The following IQSEC1 variants were observed in gnomAD, a reference collection of about 807,000 sequenced individuals.
The protein encoded by IQSEC1 is IQ motif and Sec7 domain ArfGEF 1, also known as IQ motif and SEC7 domain-containing protein 1.
A neutral mutation model predicts 91.0 loss-of-function variants in IQSEC1; 31 were observed. The ratio of observed to expected loss-of-function variants is 0.34; its 90% confidence interval spans 0.26 to 0.46. The LOEUF (loss-of-function observed/expected upper bound fraction) is 0.46. IQSEC1 is among the 20% of genes least tolerant of loss of function. IQSEC1 has a pLI of 1.00. For missense variants in IQSEC1, 1,388 were observed against 1,575.6 expected, an observed-to-expected ratio of 0.88 and a Z score of 2.02; for synonymous variants, 699 against 662.6, an observed-to-expected ratio of 1.05 and a Z score of -0.84.
Position 13,242,531 on chromosome 3 carries a change from G to A in IQSEC1, c.272+40180C>T, listed in dbSNP as rs117225983. The stretch of plus-strand genomic sequence containing the variant: ...CGGCACCCATGCAGGCCTTCCACTA[G>A]CTGCACATCCCGGCCGTGGCTGAAG... On this transcript the variant is annotated intron_variant, in intron 1 of 15. Coordinates refer to the IQSEC1 transcript ENST00000648114. Among the ~76,000 whole-genome samples the A allele has an allele frequency of 3.3e-5, 5 of 152,314 alleles. No individual in the cohort carries two copies. In the East Asian group the frequency reaches 9.7e-4, roughly 29 times the overall value.
chr3:13,071,738 A>G (rs976684066), intron 1 of IQSEC1, among the ~76,000 whole-genome samples: 4 of 151,448 alleles, frequency 2.6e-5, no homozygotes, highest in Non-Finnish European at 5.9e-5. Context: ...GGCCACCGCC[A>G]TCCCCCAAAC....
At chr3:13,238,110 G>A (rs983711720) in intron 1 of IQSEC1, among the ~76,000 whole-genome samples, 5 of 152,186 alleles carry the variant, frequency 3.3e-5, no homozygotes, top group Admixed American at 6.5e-5. Context: ...GGCACCCACC[G>A]CGTGCCCCAA....
chr3:13,000,776 T>C lies in IQSEC1; in HGVS notation c.24-58911A>G, dbSNP rs1433148552. On this transcript the variant is annotated intron_variant, in intron 1 of 13. Coordinates refer to ENST00000613206, the MANE Select transcript of IQSEC1 (RefSeq NM_001134382.3). Reference sequence around the variant, plus strand: ...GGTGGGCACAGCCCCAGGCTTGCAATAAACACAACTTCCATGAACTGGTAC... The same window carrying C: ...GGTGGGCACAGCCCCAGGCTTGCAACAAACACAACTTCCATGAACTGGTAC... Among the ~76,000 whole-genome samples, 3 of 152,246 alleles carry C rather than the reference T, an allele frequency of 2.0e-5. No individual in the cohort carries two copies. The East Asian group carries it at 5.8e-4, about 29-fold the overall frequency.
rs115925128 is a variant in IQSEC1 at position 13,181,930 on chromosome 3, C to T, written c.273-17797G>A. Among the ~76,000 whole-genome samples the T allele has an allele frequency of 7.6e-3, 1,154 of 152,334 alleles. 14 individuals are homozygous for T. Among genetic ancestry groups the T allele is most frequent in the African/African-American group, 0.027 (1,118 of 41,570 alleles). On this transcript the variant is annotated intron_variant, in intron 1 of 15. Coordinates refer to the IQSEC1 transcript ENST00000648114. Reference sequence around the variant, plus strand: ...GACTTCCCCAAGAGCAGTGACTGCTCCTGTCTAGTTCACTGCTGTGCCCCA... The same window carrying T: ...GACTTCCCCAAGAGCAGTGACTGCTTCTGTCTAGTTCACTGCTGTGCCCCA...
chr3:13,109,845 C>A (rs1489150102), intron 2 of IQSEC1, among the ~76,000 whole-genome samples: 1 of 149,292 alleles, frequency 6.7e-6, no homozygotes, highest in Non-Finnish European at 1.5e-5. Context: ...TATAGCGGTG[C>A]AAGAATGGCC....
At chr3:12,914,805 C>A (rs1210872291) in intron 8 of IQSEC1, among the ~76,000 whole-genome samples, 1 of 151,942 alleles carries the variant, frequency 6.6e-6, no homozygotes, top group Non-Finnish European at 1.5e-5. Flanking sequence ...GGCCAGGTAG[C>A]GGACAGGGCA....
At chr3:13,027,318 G>A (rs1018650217) in intron 1 of IQSEC1, among the ~76,000 whole-genome samples, 6 of 152,218 alleles carry the variant, frequency 3.9e-5, no homozygotes, top group Non-Finnish European at 8.8e-5. Flanking sequence ...GCAGGCAGGG[G>A]CTGGGCACTC....
At chr3:13,172,399 C>T (rs1693635347) in intron 1 of IQSEC1, among the ~76,000 whole-genome samples, 1 of 152,182 alleles carries the variant, frequency 6.6e-6, no homozygotes, top group Non-Finnish European at 1.5e-5. Context: ...GCACGTCGGC[C>T]TTCCTTAAAC....
intron 2 of IQSEC1, among the ~76,000 whole-genome samples, chr3:13,136,192 G>A (rs1576266449): frequency 6.6e-6 from 1 of 152,240 alleles, no homozygotes; most frequent in Non-Finnish European, 1.5e-5. Flanking sequence ...TTGGGACTGA[G>A]GATTTCACAA....
Position 12,940,186 on chromosome 3 carries a change from C to T in IQSEC1, c.318+1385G>A, listed in dbSNP as rs1698620299. Among the ~76,000 whole-genome samples the T allele has an allele frequency of 6.6e-6, 1 of 152,064 alleles. No individual in the cohort carries two copies. Among genetic ancestry groups the T allele is most frequent in the South Asian group, 2.1e-4 (1 of 4,828 alleles). On this transcript the variant is annotated intron_variant, in intron 2 of 13. Coordinates refer to ENST00000613206, the MANE Select transcript of IQSEC1 (RefSeq NM_001134382.3). The surrounding 1 kb of genome is among the most constrained non-coding windows in gnomAD (Gnocchi z 4.4). The stretch of plus-strand genomic sequence containing the variant: ...ATAAAGGAACAGAGGTTGCTCTGCC[C>T]TGTGTCGGTCCGGCCTAAGTTGCAA...
intron 1 of IQSEC1, among the ~76,000 whole-genome samples, chr3:13,281,646 G>T (rs1695792152): frequency 6.6e-6 from 1 of 152,158 alleles, no homozygotes; most frequent in African/African-American, 2.4e-5. Context: ...TTCCATGACA[G>T]TACTGGGACT....
At chr3:13,237,272 T>C (rs916178401) in intron 1 of IQSEC1, among the ~76,000 whole-genome samples, 9 of 151,958 alleles carry the variant, frequency 5.9e-5, no homozygotes, top group Non-Finnish European at 8.8e-5. Context: ...CAGAACGGGG[T>C]CACTGAGCTG....
chr3:13,169,546 G>A (rs1559268967), intron 1 of IQSEC1, among the ~76,000 whole-genome samples: 1 of 152,208 alleles, frequency 6.6e-6, no homozygotes, highest in Non-Finnish European at 1.5e-5. Flanking sequence ...AAGAAGACAG[G>A]AAAATGTGGG....
In IQSEC1 at chr3:13,240,304, G is replaced by A. The variant is rs77576977; in HGVS notation, c.272+42407C>T. Among the ~76,000 whole-genome samples, 1,198 of 152,290 alleles carry A rather than the reference G, an allele frequency of 7.9e-3. 5 individuals carry two copies. Among genetic ancestry groups the A allele is most frequent in the Non-Finnish European group, 0.012 (817 of 68,016 alleles). On this transcript the variant is annotated intron_variant, in intron 1 of 15. Coordinates refer to the IQSEC1 transcript ENST00000648114. The stretch of plus-strand genomic sequence containing the variant: ...CAGGAGGCTGAGGAGAGAGGATCTC[G>A]AGGCTGCAGTGAGCTATAATGACAG...
At chr3:13,057,002 T>G (rs1704903768) in intron 1 of IQSEC1, among the ~76,000 whole-genome samples, 1 of 152,138 alleles carries the variant, frequency 6.6e-6, no homozygotes, top group African/African-American at 2.4e-5. Flanking sequence ...GAGCCCCATC[T>G]TTTGGGCCCC....
At chr3:13,011,874 G>A (rs563557310) in intron 1 of IQSEC1, among the ~76,000 whole-genome samples, 12 of 152,338 alleles carry the variant, frequency 7.9e-5, no homozygotes, top group African/African-American at 2.9e-4. Context: ...CATCCCAGCA[G>A]CCTCTTGATA....
At chr3:13,260,707 C>T (rs770295413) in intron 1 of IQSEC1, among the ~76,000 whole-genome samples, 5 of 152,210 alleles carry the variant, frequency 3.3e-5, no homozygotes, top group Non-Finnish European at 5.9e-5. Flanking sequence ...ACAGAGACCA[C>T]GATGGCCAAG....
intron 1 of IQSEC1, among the ~76,000 whole-genome samples, chr3:13,071,148 T>G (rs1045335285): frequency 4.0e-5 from 3 of 75,078 alleles, no homozygotes; most frequent in African/African-American, 1.2e-4. Context: ...ACACAGTTTT[T>G]TTTTGTTTTT....
chr3:13,091,068 C>A (rs1334988364), intron 2 of IQSEC1, among the ~76,000 whole-genome samples: 1 of 152,162 alleles, frequency 6.6e-6, no homozygotes, highest in African/African-American at 2.4e-5. Context: ...ATTCTGTGCT[C>A]GGTTTCTACG....
Sources: gnomAD v4.1 joint callset for allele counts (sites outside exome capture counted in the v4.1 genomes callset) on GRCh38, gnomAD v4.1.1 for gene constraint, Gnocchi (gnomAD v3.1) non-coding constraint, MANE v1.5 for transcripts, NCBI Gene and HGNC (gene_info 2026-07-23, HGNC 2026-07-21) for gene names.